Variants in ZNF652 observed in about 807,000 individuals in gnomAD.
ZNF652 encodes the protein zinc finger protein 652.
Under a neutral mutation model 45.2 loss-of-function variants are expected in ZNF652, and 16 were observed. That is an observed-to-expected ratio of 0.35 (90% confidence interval 0.24 to 0.54). The LOEUF is 0.54. Among genes scored for constraint, ZNF652 ranks in the 20% least tolerant of loss-of-function variants. ZNF652 has a pLI of 0.91. For synonymous variants in ZNF652, 250 were observed against 260.6 expected, an observed-to-expected ratio of 0.96 and a Z score of 0.39; for missense variants, 614 against 765.6, an observed-to-expected ratio of 0.80 and a Z score of 2.34.
chr17:49,298,619 G>A lies in ZNF652; in HGVS notation c.1615C>T (p.Pro539Ser). The A allele has an allele frequency of 6.2e-7, 1 of 1,613,466 alleles. No individual in the cohort carries two copies. The highest frequency in any genetic ancestry group is 8.5e-7 in the Non-Finnish European group (1 of 1,179,740). Reference sequence around the variant, plus strand: ...AAGGGGTGGGGGATGGGCCGAGGGGGAAGAGTGCTTACAGGATTCATATTG... The same window carrying A: ...AAGGGGTGGGGGATGGGCCGAGGGGAAAGAGTGCTTACAGGATTCATATTG... ...PINMNPVSTL[P>S]PRPIPHPFSH... The change falls in exon 6 of 6, where the codon CCC becomes TCC. Residue 539 changes from proline (P) to serine (S), a missense_variant. Coordinates refer to ENST00000430262, the MANE Select transcript of ZNF652 (RefSeq NM_001145365.3).
chr17:49,348,509 G>GAAAAGAAAAGAAAAGAAAAC (rs2070234173), intron 1 of ZNF652, among the ~76,000 whole-genome samples: 1 of 125,546 alleles, frequency 8.0e-6, no homozygotes, highest in Non-Finnish European at 1.7e-5. Flanking sequence ...GAAAAGAAAA[G>GAAAAGAAAAGAAAAGAAAAC]AAAAGAAAAG....
intron 1 of ZNF652, among the ~76,000 whole-genome samples, chr17:49,343,820 C>T (rs1487969415): frequency 6.6e-6 from 1 of 151,960 alleles, no homozygotes; most frequent in East Asian, 1.9e-4. Flanking sequence ...TTTGGCAGGC[C>T]AAAGTGCGAG....
At chr17:49,313,541 C>T (rs916581691) in intron 2 of ZNF652, among the ~76,000 whole-genome samples, 7 of 152,060 alleles carry the variant, frequency 4.6e-5, no homozygotes, top group Admixed American at 3.3e-4. Flanking sequence ...GCCTCCTCCA[C>T]ATCAGTTAGT....
chr17:49,306,560 TAC>T (rs1217937383), intron 5 of ZNF652, among the ~76,000 whole-genome samples: 5 of 152,182 alleles, frequency 3.3e-5, no homozygotes, highest in Non-Finnish European at 5.9e-5. Flanking sequence ...GTGCTGGGAT[TAC>T]AGACGTGAGT....
rs1435557279 is a variant in ZNF652 at position 49,291,572 on chromosome 17, T to TCC, written c.*6839_*6840dup. On this transcript the variant is annotated 3_prime_UTR_variant, in exon 6 of 6. Transcript: ENST00000430262. ...GGGAACACTTCTCAGGGGCAGGAAC[T>TCC]CCCTTGAATGTGTGTGTCAGAAGTT... 2 of 152,180 alleles carry TCC rather than the reference T, an allele frequency of 1.3e-5. No individual in the cohort carries two copies. Among genetic ancestry groups the TCC allele is most frequent in the Admixed American group, 6.5e-5 (1 of 15,286 alleles). The allele number at this position is 152,180 out of a possible 1,614,324, so 9.4% of individuals were successfully genotyped here. A position where few individuals can be genotyped will look rare whatever the true frequency, so the allele number is the denominator to read the frequency against.
rs1399621504 is a variant in ZNF652 at position 49,291,818 on chromosome 17, CACA to C, written c.*6592_*6594del. The C allele has an allele frequency of 6.6e-6, 1 of 152,204 alleles. No homozygotes were observed. The highest frequency in any genetic ancestry group is 2.4e-5 in the African/African-American group (1 of 41,452). The allele number at this position is 152,204 out of a possible 1,614,324, so 9.4% of individuals were successfully genotyped here. On this transcript the variant is annotated 3_prime_UTR_variant, in exon 6 of 6. Transcript: ENST00000430262. ...GGCAAATCAAGTGAAAGGTAATTAA[CACA>C]ACAAGAAACCCGTTACTGATTTCTG...
chr17:49,346,938 T>A (rs1478990780), intron 1 of ZNF652, among the ~76,000 whole-genome samples: 3 of 152,222 alleles, frequency 2.0e-5, no homozygotes, highest in Non-Finnish European at 4.4e-5. Context: ...TGGAATATCT[T>A]GTCCTAAGGG....
intron 1 of ZNF652, among the ~76,000 whole-genome samples, chr17:49,335,775 T>C (rs748540638): frequency 1.2e-4 from 19 of 152,178 alleles, no homozygotes; most frequent in Admixed American, 1.0e-3. Context: ...AGTCTTTAAA[T>C]AAATATGATG....
rs372003636 is a variant in ZNF652, at chr17:49,333,505, C to T, written c.-258-15522G>A. 7.5e-3 allele frequency among the ~76,000 whole-genome samples: 1,023 copies of T among 136,202 alleles called. 16 individuals carry two copies. The highest frequency in any genetic ancestry group is 0.027 in the African/African-American group (975 of 36,328). The allele number at this position is 136,202 out of a possible 152,430, so 89.4% of individuals were successfully genotyped here. The stretch of plus-strand genomic sequence containing the variant: ...TGGGTGGATCACAAGGTCAGGAGAT[C>T]GAGACCATCCTGGCTAACATAGTGA... On this transcript the variant is annotated intron_variant, in intron 1 of 5. Coordinates refer to ENST00000430262, the MANE Select transcript of ZNF652 (RefSeq NM_001145365.3).
chr17:49,348,286 T>G (rs967511817), intron 1 of ZNF652, among the ~76,000 whole-genome samples: 2 of 150,576 alleles, frequency 1.3e-5, no homozygotes, highest in African/African-American at 4.9e-5. Flanking sequence ...AGATCAAGAG[T>G]TCAAGACCAG....
intron 1 of ZNF652, among the ~76,000 whole-genome samples, chr17:49,352,545 G>A (rs2070293301): frequency 6.6e-6 from 1 of 152,124 alleles, no homozygotes; most frequent in African/African-American, 2.4e-5. Context: ...GAATTTTTAT[G>A]TCTTTCCAGT....
intron 1 of ZNF652, among the ~76,000 whole-genome samples, chr17:49,324,734 CTTTTTTTTT>C (rs1185007907): frequency 1.8e-4 from 17 of 96,242 alleles, no homozygotes; most frequent in African/African-American, 6.8e-4. Context: ...TGGGGTAGCA[CTTTTTTTTT>C]TTTTTTTTTT....
At chr17:49,336,567 G>A (rs1308317109) in intron 1 of ZNF652, among the ~76,000 whole-genome samples, 1 of 151,558 alleles carries the variant, frequency 6.6e-6, no homozygotes, top group Non-Finnish European at 1.5e-5. Context: ...GACCTCAAGT[G>A]ATCTGCCTGC....
At chr17:49,351,678 C>A (rs1230044428) in intron 1 of ZNF652, among the ~76,000 whole-genome samples, 1 of 151,738 alleles carries the variant, frequency 6.6e-6, no homozygotes, top group Non-Finnish European at 1.5e-5. Flanking sequence ...TTTCTAGAAT[C>A]CTTAGTTTTA....
At chr17:49,303,640 CAG>C (rs2069585749) in intron 5 of ZNF652, among the ~76,000 whole-genome samples, 1 of 152,108 alleles carries the variant, frequency 6.6e-6, no homozygotes, top group Non-Finnish European at 1.5e-5. Flanking sequence ...TCTGTGACTT[CAG>C]AGTTAGTATT....
At chr17:49,304,354 T>C (rs898219109) in intron 5 of ZNF652, among the ~76,000 whole-genome samples, 2 of 152,192 alleles carry the variant, frequency 1.3e-5, no homozygotes, top group South Asian at 2.1e-4. Context: ...ACATTTGTTG[T>C]TCCAGACCTT....
At chr17:49,336,333 T>G (rs1297204855) in intron 1 of ZNF652, among the ~76,000 whole-genome samples, 1 of 149,572 alleles carries the variant, frequency 6.7e-6, no homozygotes, top group Non-Finnish European at 1.5e-5. Context: ...CTTTTTTTTT[T>G]TTTTTTTGGA....
intron 1 of ZNF652, among the ~76,000 whole-genome samples, chr17:49,321,082 C>T (rs946343516): frequency 6.6e-6 from 1 of 152,182 alleles, no homozygotes; most frequent in Admixed American, 6.5e-5. Flanking sequence ...CCTGTGACTA[C>T]TTCTGGTCAG....
intron 1 of ZNF652, among the ~76,000 whole-genome samples, chr17:49,351,021 ACACAC>A (rs2070275152): frequency 4.2e-5 from 3 of 71,984 alleles, no homozygotes; most frequent in Non-Finnish European, 7.7e-5. Flanking sequence ...ATATACACAC[ACACAC>A]ACACACACAC....
Sources: allele counts gnomAD v4.1 joint callset (sites outside exome capture counted in the v4.1 genomes callset), GRCh38; gene constraint gnomAD v4.1.1; transcripts MANE v1.5; gene names NCBI Gene and HGNC (gene_info 2026-07-23, HGNC 2026-07-21).